Variants in B3GNT4 observed in about 807,000 individuals in gnomAD.
The protein encoded by B3GNT4 is UDP-GlcNAc:betaGal beta-1,3-N-acetylglucosaminyltransferase 4.
In B3GNT4, 2 loss-of-function variants were observed where a neutral mutation model predicts 2.7. The observed-to-expected ratio is 0.73, with a 90% CI of 0.30 to 2.31. The LOEUF is 2.31. Among genes scored for constraint, B3GNT4 ranks in the 30% most tolerant of loss-of-function variants. The pLI is 0.12. For missense variants in B3GNT4, 708 were observed against 490.9 expected (o/e 1.44, Z -4.18); for synonymous variants, 280 against 203.4 (o/e 1.38, Z -3.20).
Position 122,207,563 on chromosome 12 carries a change from T to G in B3GNT4, c.*175T>G. 1.4e-6 allele frequency: 1 copy of G among 695,522 alleles called. No homozygotes were observed. Among genetic ancestry groups the G allele is most frequent in the Non-Finnish European group, 2.4e-6 (1 of 422,690 alleles). The allele number at this position is 695,522 out of a possible 1,614,324, so 43.1% of individuals were successfully genotyped here. On this transcript the variant is annotated 3_prime_UTR_variant, in exon 3 of 3. Transcript: ENST00000324189. ...GCTAACTTGTCCAGCATATGTTGAATGGGAGCCAAAGTGTAGCAAATGCTG... is the reference window on the plus strand; with the variant it reads ...GCTAACTTGTCCAGCATATGTTGAAGGGGAGCCAAAGTGTAGCAAATGCTG...
chr12:122,205,062 C>T, intron 2 of B3GNT4: 1 of 198,450 alleles, frequency 5.0e-6, no homozygotes, highest in Admixed American at 5.6e-5. Context: ...CTTTCACTAG[C>T]CGGGCTGGCC....
At chr12:122,204,857 A>AAAG (rs1457850360) in intron 2 of B3GNT4, 173 bp downstream of exon 2, 11 of 600,118 alleles carry the variant, frequency 1.8e-5, no homozygotes, top group African/African-American at 5.6e-5. Flanking sequence ...CCAGGCAACA[A>AAAG]AAGATACCAC....
chr12:122,206,185 TGAG>T (rs1328324419), intron 2 of B3GNT4, 130 bp from the exon 3 acceptor site: 4 of 695,178 alleles, frequency 5.8e-6, no homozygotes, highest in African/African-American at 5.4e-5. Flanking sequence ...GGAAAGAGCC[TGAG>T]GATACGCTGA....
rs1047226186 is a variant in B3GNT4 at position 122,208,844 on chromosome 12, A to G, written c.*1456A>G. ...AAATGCAACTCTCACAATCATCTTT[A>G]TAGCTACAGAGCTTTTAGTACAGAC... On this transcript the variant is annotated 3_prime_UTR_variant, in exon 3 of 3. Coordinates refer to ENST00000324189, the MANE Select transcript of B3GNT4 (RefSeq NM_030765.4). 1.2e-5 allele frequency: 7 copies of G among 569,824 alleles called. No individual in the cohort carries two copies. The highest frequency in any genetic ancestry group is 2.0e-5 in the Non-Finnish European group (6 of 301,570). 35.3% of individuals were successfully genotyped at this position (569,824 alleles called of 1,614,324 possible).
At position 122,206,742 on chromosome 12, in the gene B3GNT4, C is replaced by G; in HGVS notation, c.491C>G (p.Ser164Cys). Residue 164 changes from serine to cysteine, a missense_variant, in exon 3 of 3, where the codon TCC (serine) becomes TGC (cysteine). Ser to Cys is a moderately radical substitution (Grantham distance 112). Coordinates refer to ENST00000324189, the MANE Select transcript of B3GNT4 (RefSeq NM_030765.4). Reference sequence around the variant, plus strand: ...GTGTTCCTCCTAGGGGTGGCAGGATCCGCTCCCCCAGCCCAGCTGCTGGCC... The same window carrying G: ...GTGTTCCTCCTAGGGGTGGCAGGATGCGCTCCCCCAGCCCAGCTGCTGGCC... Reference protein sequence around the residue: ...KLVFLLGVAGSAPPAQLLAYE... With the variant: ...KLVFLLGVAGCAPPAQLLAYE... 1 of 1,606,214 alleles carries G rather than the reference C, an allele frequency of 6.2e-7. No homozygotes were observed. Among genetic ancestry groups the G allele is most frequent in the Non-Finnish European group, 8.5e-7 (1 of 1,175,572 alleles).
rs765215253 is a variant in B3GNT4, at chr12:122,207,011, A to G, written c.760A>G (p.Arg254Gly). ...GDVIRQALPN[R>G]NTKVKYFIPP... ...TGTCATCCGCCAAGCCCTGCCCAAC[A>G]GGAACACTAAGGTCAAATACTTCAT... Residue 254 changes from arginine (R) to glycine (G), a missense_variant, in exon 3 of 3, where the codon AGG (arginine) becomes GGG (glycine). Transcript: ENST00000324189. The G allele has an allele frequency of 5.6e-6, 9 of 1,613,858 alleles. No homozygotes were observed. In the African/African-American group the frequency reaches 1.2e-4, roughly 22 times the overall value.
rs1274545754 is a variant in B3GNT4 at position 122,208,727 on chromosome 12, C to T, written c.*1339C>T. 5.2e-6 allele frequency: 4 copies of T among 776,474 alleles called. No individual in the cohort carries two copies. The highest frequency in any genetic ancestry group is 8.8e-6 in the Non-Finnish European group (4 of 453,526). The allele number at this position is 776,474 out of a possible 1,614,324, so 48.1% of individuals were successfully genotyped here. A position where few individuals can be genotyped will look rare whatever the true frequency, so the allele number is the denominator to read the frequency against. ...CCTGTCTTCTCTCTCTGCAAAGAAA[C>T]TTCCACCTCTATGTTCAGGTCTGGA... On this transcript the variant is annotated 3_prime_UTR_variant, in exon 3 of 3. Coordinates refer to ENST00000324189, the MANE Select transcript of B3GNT4 (RefSeq NM_030765.4).
chr12:122,206,086 A>G, intron 2 of B3GNT4: 1 of 452,264 alleles, frequency 2.2e-6, no homozygotes, highest in South Asian at 6.3e-5. Context: ...TGGGAAAAAC[A>G]GACCCAGGAG....
chr12:122,207,444 T>C lies in B3GNT4; in HGVS notation c.*56T>C, dbSNP rs541746159. The C allele has an allele frequency of 6.9e-5, 99 of 1,440,230 alleles. 1 individual carries two copies. In the South Asian group the frequency reaches 1.2e-3, roughly 17 times the overall value. The allele number at this position is 1,440,230 out of a possible 1,614,324, so 89.2% of individuals were successfully genotyped here. A position where few individuals can be genotyped will look rare whatever the true frequency, so the allele number is the denominator to read the frequency against. ...ACTCAGTGTTGATTCTCTATCGTGA[T>C]GCGAAATTGATGCCTGCTGCTCTAC... On this transcript the variant is annotated 3_prime_UTR_variant, in exon 3 of 3. Coordinates refer to ENST00000324189, the MANE Select transcript of B3GNT4 (RefSeq NM_030765.4).
chr12:122,207,848 G>A lies in B3GNT4; in HGVS notation c.*460G>A, dbSNP rs1953961431. On this transcript the variant is annotated 3_prime_UTR_variant, in exon 3 of 3. Coordinates refer to ENST00000324189, the MANE Select transcript of B3GNT4 (RefSeq NM_030765.4). Reference sequence around the variant, plus strand: ...TGCACCCCTTCTCTTAGTAGTAATAGGTTTTTCACTCCTTGGCCTCAGCTG... The same window carrying A: ...TGCACCCCTTCTCTTAGTAGTAATAAGTTTTTCACTCCTTGGCCTCAGCTG... 5 of 460,958 alleles carry A rather than the reference G, an allele frequency of 1.1e-5. No homozygotes were observed. The highest frequency in any genetic ancestry group is 6.8e-4 in the Middle Eastern group (1 of 1,466). The allele number at this position is 460,958 out of a possible 1,614,324, so 28.6% of individuals were successfully genotyped here.
intron 1 of B3GNT4, 29 bp from the exon 2 acceptor site, chr12:122,204,493 C>T: frequency 1.2e-6 from 1 of 823,732 alleles, no homozygotes; most frequent in Non-Finnish European, 2.0e-6. Flanking sequence ...TGAATGGCAC[C>T]GCCGCCCGCC....
intron 2 of B3GNT4, chr12:122,205,365 T>A (rs995226127): frequency 1.3e-5 from 2 of 152,480 alleles, no homozygotes; most frequent in African/African-American, 4.8e-5. Flanking sequence ...AGCGACCCTG[T>A]CTTGCTTGCC....
Position 122,206,487 on chromosome 12 carries a change from A to ACC in B3GNT4, c.237_238dup (p.His80ProfsTer19), listed in dbSNP as rs1370944764. On this transcript the variant is annotated frameshift_variant, in exon 3 of 3. Transcript: ENST00000324189. LOFTEE classifies it low-confidence loss of function (END_TRUNC). ...CCCCGTCACAGCCGGTGTCCACCCA[A>ACC]CCACACAGTGTCTAGCGCCTCTCTG... 4.3e-6 allele frequency: 7 copies of ACC among 1,613,956 alleles called. No homozygotes were observed. In the African/African-American group the frequency reaches 9.3e-5, roughly 22 times the overall value.
rs770153583 is a variant in B3GNT4 at position 122,206,910 on chromosome 12, ATGTCTTTGTCCACGTCCC to A, written c.660_677del (p.Val221_Pro226del). On this transcript the variant is annotated inframe_deletion, in exon 3 of 3. Transcript: ENST00000324189. Reference sequence around the variant, plus strand: ...CATTTCATGCTAAAGGGAGATGACGATGTCTTTGTCCACGTCCCCAACGTGTTAGAGTTCCTGGATGGC... The same window carrying A: ...CATTTCATGCTAAAGGGAGATGACGACAACGTGTTAGAGTTCCTGGATGGC... 3.1e-6 allele frequency: 5 copies of A among 1,613,840 alleles called. No homozygotes were observed. The highest frequency in any genetic ancestry group is 1.7e-5 in the Admixed American group (1 of 60,004).
rs572271254 is a variant in B3GNT4 at position 122,207,047 on chromosome 12, A to G, written c.796A>G (p.Met266Val). 1.7e-5 allele frequency: 28 copies of G among 1,613,676 alleles called. No individual in the cohort carries two copies. The Admixed American group carries it at 3.3e-4, about 19-fold the overall frequency. ...GGTCAAATACTTCATCCCACCCTCA[A>G]TGTACAGGGCCACCCACTACCCACC... is the stretch of plus-strand genomic sequence containing the variant. The part of the protein sequence containing the change: ...TKVKYFIPPS[M>V]YRATHYPPYA... Residue 266 changes from methionine to valine, a missense_variant, in exon 3 of 3, where the codon ATG becomes GTG. By Grantham distance (21) the Met-to-Val change is conservative. Coordinates refer to ENST00000324189, the MANE Select transcript of B3GNT4 (RefSeq NM_030765.4).
chr12:122,208,310 ACC>A lies in B3GNT4; in HGVS notation c.*924_*925del. On this transcript the variant is annotated 3_prime_UTR_variant, in exon 3 of 3. Transcript: ENST00000324189. ...TCTCGGTGCACAGACAGTCATGCCA[ACC>A]CTGGGCAGGGTGGCATCTGCCCCTG... The A allele has an allele frequency of 6.4e-7, 1 of 1,564,548 alleles. No homozygotes were observed. The highest frequency in any genetic ancestry group is 2.2e-5 in the East Asian group (1 of 44,682).
chr12:122,206,686 G>T lies in B3GNT4; in HGVS notation c.435G>T (p.Gly145=). 6.2e-7 allele frequency: 1 copy of T among 1,612,800 alleles called. No individual in the cohort carries two copies. The highest frequency in any genetic ancestry group is 1.1e-5 in the South Asian group (1 of 91,062). The change falls in exon 3 of 3, where the codon GGG becomes GGT. Residue 145 remains glycine, a synonymous_variant. Transcript: ENST00000324189. ...TCCGCAGCACGTGGGGCAGGGTGGG[G>T]GGATGGGCTAGGGGCCGGCAGCTGA... ...AAIRSTWGRV[G]GWARGRQLKL...
Position 122,207,502 on chromosome 12 carries a change from C to T in B3GNT4, c.*114C>T. 1 of 970,436 alleles carries T rather than the reference C, an allele frequency of 1.0e-6. No individual in the cohort carries two copies. Among genetic ancestry groups the T allele is most frequent in the Middle Eastern group, 2.7e-4 (1 of 3,762 alleles). The allele number at this position is 970,436 out of a possible 1,614,324, so 60.1% of individuals were successfully genotyped here. A position where few individuals can be genotyped will look rare whatever the true frequency, so the allele number is the denominator to read the frequency against. On this transcript the variant is annotated 3_prime_UTR_variant, in exon 3 of 3. Transcript: ENST00000324189. ...GCCAACTTGGTTTTTTAACTCCTCT[C>T]ACCCTGTTAGCTCTGATTAAAAACA...
chr12:122,206,774 A>T lies in B3GNT4; in HGVS notation c.523A>T (p.Ser175Cys). Residue 175 changes from serine (S) to cysteine (C), a missense_variant, in exon 3 of 3, where the codon AGT (serine) becomes TGT (cysteine). By Grantham distance (112) the Ser-to-Cys change is moderately radical. Coordinates refer to ENST00000324189, the MANE Select transcript of B3GNT4 (RefSeq NM_030765.4). The part of the protein sequence containing the change: ...APPAQLLAYE[S>C]REFDDILQWD... The stretch of plus-strand genomic sequence containing the variant: ...CCCAGCCCAGCTGCTGGCCTATGAG[A>T]GTAGGGAGTTTGATGACATCCTCCA... 6.2e-7 allele frequency: 1 copy of T among 1,607,746 alleles called. No individual in the cohort carries two copies. Among genetic ancestry groups the T allele is most frequent in the Non-Finnish European group, 8.5e-7 (1 of 1,176,664 alleles).
Sources: gnomAD v4.1 joint callset for allele counts on GRCh38, gnomAD v4.1.1 for gene constraint, MANE v1.5 for transcripts, NCBI Gene and HGNC (gene_info 2026-07-23, HGNC 2026-07-21) for gene names.